ANKRD33: variants seen among roughly 807,000 people sequenced by gnomAD.
ANKRD33 encodes the protein photoreceptor ankyrin repeat protein.
A neutral mutation model predicts 20.6 loss-of-function variants in ANKRD33; 20 were observed. The observed-to-expected ratio is 0.97, with a 90% CI of 0.68 to 1.41. ANKRD33 has a LOEUF of 1.41. ANKRD33 is among the 40% of genes most tolerant of loss of function. The pLI, the probability that ANKRD33 is intolerant of heterozygous loss-of-function variation, is 0.00. For missense variants in ANKRD33, 545 were observed against 579.6 expected (o/e 0.94, Z 0.61); for synonymous variants, 246 against 245.0 (o/e 1.00, Z -0.04).
intron 3 of ANKRD33, 67 bp from the exon 4 acceptor site, chr12:51,889,305 G>A: frequency 6.2e-7 from 1 of 1,607,018 alleles, no homozygotes; most frequent in East Asian, 2.2e-5. Context: ...CATGCTGGGT[G>A]GAGGGCGGTT....
Position 51,890,697 on chromosome 12 carries a change from C to T in ANKRD33, c.751C>T (p.Gln251Ter), listed in dbSNP as rs748302105. The T allele has an allele frequency of 2.5e-6, 4 of 1,604,408 alleles. No homozygotes were observed. Among genetic ancestry groups the T allele is most frequent in the East Asian group, 2.2e-5 (1 of 44,890 alleles). Residue 251 changes from glutamine (Q) to a stop codon, truncating the protein, a stop_gained, in exon 5 of 5, where the codon CAA (glutamine) becomes TAA (stop). Transcript: ENST00000301190. LOFTEE classifies it low-confidence loss of function (END_TRUNC). ...GATTCGGCAGCTGCTGAGGCGGCCC[C>T]AAGTGGAGCAGCTTAGCCAGCACTA... ...WRIRQLLRRP[Q>*]VEQLSQHYKP...
chr12:51,890,087 C>G (rs1940363770), intron 4 of ANKRD33: 1 of 263,718 alleles, frequency 3.8e-6, no homozygotes, highest in Non-Finnish European at 7.5e-6. Flanking sequence ...CCCCACACAC[C>G]CCACTGGGTT....
chr12:51,890,805 C>G lies in ANKRD33; in HGVS notation c.859C>G (p.Leu287Val). Residue 287 changes from leucine (L) to valine (V), a missense_variant, in exon 5 of 5, where the codon CTG (leucine) becomes GTG (valine). By Grantham distance (32) the Leu-to-Val change is conservative. Coordinates refer to ENST00000301190, the MANE Select transcript of ANKRD33 (RefSeq NM_182608.4). ...GGTTGCCCCTTCACTCCTAGAACGG[C>G]TGCAGGCTACCTTGAGCCTCCCCTT... is the stretch of plus-strand genomic sequence containing the variant. ...AQVAPSLLER[L>V]QATLSLPFAP... 1 of 1,608,334 alleles carries G rather than the reference C, an allele frequency of 6.2e-7. No individual in the cohort carries two copies. Among genetic ancestry groups the G allele is most frequent in the Admixed American group, 1.7e-5 (1 of 59,876 alleles).
chr12:51,890,416 C>G, intron 4 of ANKRD33, 168 bp from the exon 5 acceptor site: 2 of 1,494,876 alleles, frequency 1.3e-6, no homozygotes, highest in Non-Finnish European at 1.8e-6. Context: ...GTCTTAATCT[C>G]TCTTAAACAG....
In ANKRD33 at chr12:51,889,102, G is replaced by A. The variant is rs1310499715; in HGVS notation, c.432G>A (p.Gln144=). The A allele has an allele frequency of 1.9e-6, 3 of 1,614,088 alleles. No individual in the cohort carries two copies. The highest frequency in any genetic ancestry group is 1.7e-5 in the Admixed American group (1 of 59,998). ...GLMVACYHGF[Q]SVVALLSHCP... The stretch of plus-strand genomic sequence containing the variant: ...TGGTCGCATGCTACCACGGCTTCCA[G>A]AGTGTTGTGGCCCTGCTCAGCCACT... The change falls in exon 3 of 5, where the codon CAG becomes CAA. Residue 144 remains glutamine (Q), a synonymous_variant. Coordinates refer to ENST00000301190, the MANE Select transcript of ANKRD33 (RefSeq NM_182608.4).
rs760613093 is a variant in ANKRD33 at position 51,891,391 on chromosome 12, C to T, written c.*86C>T. 2.7e-5 allele frequency: 40 copies of T among 1,497,526 alleles called. No individual in the cohort carries two copies. The African/African-American group carries it at 5.6e-4, about 21-fold the overall frequency. 92.8% of individuals were successfully genotyped at this position (1,497,526 alleles called of 1,614,324 possible). A position where few individuals can be genotyped will look rare whatever the true frequency, so the allele number is the denominator to read the frequency against. ...CCCTCTGGAGTGCCTCCGGCCTCCCCATCCACCTCTGCCTAAGTAAATCTG... is the reference window on the plus strand; with the variant it reads ...CCCTCTGGAGTGCCTCCGGCCTCCCTATCCACCTCTGCCTAAGTAAATCTG... On this transcript the variant is annotated 3_prime_UTR_variant, in exon 5 of 5. Coordinates refer to ENST00000301190, the MANE Select transcript of ANKRD33 (RefSeq NM_182608.4).
intron 4 of ANKRD33, chr12:51,890,225 G>A (rs915104840): frequency 1.7e-5 from 7 of 421,564 alleles, no homozygotes; most frequent in African/African-American, 1.4e-4. Flanking sequence ...ACCAGGAGAG[G>A]GAACCAGCCG....
chr12:51,888,365 C>G, intron 1 of ANKRD33, 34 bp downstream of exon 1: 1 of 1,613,086 alleles, frequency 6.2e-7, no homozygotes, highest in Admixed American at 1.7e-5. Context: ...CTCCGTGAGT[C>G]TCACTGGGGT....
rs552296689 is a variant in ANKRD33, at chr12:51,890,567, C to G, written c.638-17C>G. On this transcript the variant is annotated splice_polypyrimidine_tract_variant and intron_variant, in intron 4 of 4. Transcript: ENST00000301190. ...ACCCCTATCCCGCCCCATGTCACCCCCTGTGCTCCTTCCCAGGTGCTGACC... is the reference window on the plus strand; with the variant it reads ...ACCCCTATCCCGCCCCATGTCACCCGCTGTGCTCCTTCCCAGGTGCTGACC... 1.6e-5 allele frequency: 26 copies of G among 1,606,056 alleles called. No homozygotes were observed. The Admixed American group carries it at 3.7e-4, about 23-fold the overall frequency.
chr12:51,891,385 C>A lies in ANKRD33; in HGVS notation c.*80C>A. On this transcript the variant is annotated 3_prime_UTR_variant, in exon 5 of 5. Transcript: ENST00000301190. ...TCTTTCCCCTCTGGAGTGCCTCCGG[C>A]CTCCCCATCCACCTCTGCCTAAGTA... The A allele has an allele frequency of 2.6e-6, 4 of 1,511,126 alleles. No homozygotes were observed. The highest frequency in any genetic ancestry group is 3.5e-6 in the Non-Finnish European group (4 of 1,128,140). 93.6% of individuals were successfully genotyped at this position (1,511,126 alleles called of 1,614,324 possible). A position where few individuals can be genotyped will look rare whatever the true frequency, so the allele number is the denominator to read the frequency against.
At chr12:51,889,242 A>G in intron 3 of ANKRD33, 46 bp downstream of exon 3, 1 of 1,613,468 alleles carries the variant, frequency 6.2e-7, no homozygotes, top group Middle Eastern at 1.7e-4. Flanking sequence ...CTTTTGATGC[A>G]GACAGGGCCT....
chr12:51,889,972 G>A (rs1283013653), intron 4 of ANKRD33: 2 of 222,006 alleles, frequency 9.0e-6, no homozygotes, highest in East Asian at 1.1e-4. Context: ...GGGAGGTGCG[G>A]TGAAGTCCAC....
Position 51,891,444 on chromosome 12 carries a change from T to C in ANKRD33, c.*139T>C. 1 of 1,348,020 alleles carries C rather than the reference T, an allele frequency of 7.4e-7. No homozygotes were observed. The highest frequency in any genetic ancestry group is 9.8e-7 in the Non-Finnish European group (1 of 1,018,570). 83.5% of individuals were successfully genotyped at this position (1,348,020 alleles called of 1,614,324 possible). A position where few individuals can be genotyped will look rare whatever the true frequency, so the allele number is the denominator to read the frequency against. ...CTCAACCTATATATATACAAGGTCA[T>C]TCATTCTAGCATTGTTTGCAAGAGT... On this transcript the variant is annotated 3_prime_UTR_variant, in exon 5 of 5. Coordinates refer to ENST00000301190, the MANE Select transcript of ANKRD33 (RefSeq NM_182608.4).
In ANKRD33 at chr12:51,890,883, A is replaced by G. The variant is rs1160679138; in HGVS notation, c.937A>G (p.Thr313Ala). Residue 313 changes from threonine to alanine, a missense_variant, in exon 5 of 5, where the codon ACC becomes GCC. Physicochemically the swap from Thr to Ala is moderately conservative, Grantham distance 58 (BLOSUM62 0). Transcript: ENST00000301190. ...TCTGGACCACCTTGTGACTGCCACA[A>G]CCAGCCTGGCCAGTCCCTTCGTCAC... is the stretch of plus-strand genomic sequence containing the variant. ...GVLDHLVTATTSLASPFVTTA... is the reference protein window; with the variant it reads ...GVLDHLVTATASLASPFVTTA... 6.2e-7 allele frequency: 1 copy of G among 1,613,154 alleles called. No homozygotes were observed. Among genetic ancestry groups the G allele is most frequent in the Non-Finnish European group, 8.5e-7 (1 of 1,179,912 alleles).
Position 51,890,999 on chromosome 12 carries a change from C to A in ANKRD33, c.1053C>A (p.Pro351=), listed in dbSNP as rs1244308555. 3 of 1,613,632 alleles carry A rather than the reference C, an allele frequency of 1.9e-6. No homozygotes were observed. The South Asian group carries it at 3.3e-5, about 18-fold the overall frequency. The change falls in exon 5 of 5, where the codon CCC becomes CCA. Residue 351 remains proline, a synonymous_variant. Coordinates refer to ENST00000301190, the MANE Select transcript of ANKRD33 (RefSeq NM_182608.4). ...CAGAGCTGTTAGGTACTGCCCCGCC[C>A]CCTCCCCTGGTTCCCCAGTCCCCGC... ...SVPELLGTAP[P]PPLVPQSPPG...
Position 51,891,177 on chromosome 12 carries a change from T to A in ANKRD33, c.1231T>A (p.Ser411Thr), listed in dbSNP as rs1565585515. The stretch of plus-strand genomic sequence containing the variant: ...CCTCCTCTCCAAGGCATCCTCATCC[T>A]CCCACCAGTGCCAGCCGAAGCCCAG... ...KILLSKASSS[S>T]HQCQPKPSPS... Residue 411 changes from serine to threonine, a missense_variant, in exon 5 of 5, where the codon TCC (serine) becomes ACC (threonine). Transcript: ENST00000301190. 1 of 1,614,136 alleles carries A rather than the reference T, an allele frequency of 6.2e-7. No homozygotes were observed. The highest frequency in any genetic ancestry group is 8.5e-7 in the Non-Finnish European group (1 of 1,180,014).
At chr12:51,889,038 G>A in intron 2 of ANKRD33, 29 bp from the exon 3 acceptor site, 1 of 1,613,898 alleles carries the variant, frequency 6.2e-7, no homozygotes, top group Non-Finnish European at 8.5e-7. Context: ...CAGGGGGAAA[G>A]CAGGGGATCT....
Position 51,888,350 on chromosome 12 carries a change from CCT to C in ANKRD33, c.145+25_145+26del, listed in dbSNP as rs1468417415. On this transcript the variant is annotated intron_variant, in intron 1 of 4. Transcript: ENST00000301190. ...ACCCCAAGTAAGAAAAAACGACGAC[CCT>C]CTCTCCGTGAGTCTCACTGGGGTGC... 7 of 1,613,798 alleles carry C rather than the reference CCT, an allele frequency of 4.3e-6. No homozygotes were observed. The South Asian group carries it at 7.7e-5, about 18-fold the overall frequency.
intron 3 of ANKRD33, 48 bp from the exon 4 acceptor site, chr12:51,889,324 T>C (rs747737255): frequency 1.2e-6 from 2 of 1,608,252 alleles, no homozygotes; most frequent in Non-Finnish European, 1.7e-6. Context: ...TTTGGGAGCT[T>C]CATCACCCCC....
Sources: gnomAD v4.1 joint callset for allele counts on GRCh38, gnomAD v4.1.1 for gene constraint, MANE v1.5 for transcripts, NCBI Gene and HGNC (gene_info 2026-07-23, HGNC 2026-07-21) for gene names.